RHOG: variants seen among roughly 807,000 people sequenced by gnomAD.
The protein encoded by RHOG is rho-related GTP-binding protein RhoG.
RHOG carries 1 observed loss-of-function variant against 12.3 expected under a neutral mutation model. The ratio of observed to expected loss-of-function variants is 0.08; its 90% CI spans 0.03 to 0.39. RHOG has a LOEUF of 0.39. Ranked by LOEUF, RHOG falls within the 10% of genes least tolerant of loss-of-function variation. The pLI is 0.99. For synonymous variants in RHOG, 129 were observed against 116.0 expected (o/e 1.11, Z -0.72); for missense variants, 114 against 266.2 (o/e 0.43, Z 3.98).
chr11:3,828,678 C>T (rs1013652008), intron 1 of RHOG, among the ~76,000 whole-genome samples: 3 of 141,458 alleles, frequency 2.1e-5, no homozygotes, highest in Non-Finnish European at 4.5e-5. Flanking sequence ...GGCTGGAGTG[C>T]AGTGGCGTCA....
intron 1 of RHOG, among the ~76,000 whole-genome samples, chr11:3,837,495 G>A (rs895770050): frequency 6.6e-6 from 1 of 152,120 alleles, no homozygotes; most frequent in Admixed American, 6.5e-5. Flanking sequence ...CAGAGTGAGG[G>A]GCACTGCTAT....
In RHOG at chr11:3,827,763, G is replaced by T; in HGVS notation, c.376C>A (p.Leu126Ile). 1.2e-6 allele frequency: 2 copies of T among 1,613,916 alleles called. No individual in the cohort carries two copies. Among genetic ancestry groups the T allele is most frequent in the South Asian group, 1.1e-5 (1 of 91,074 alleles). The change falls in exon 2 of 2, where the codon CTA becomes ATA. Residue 126 changes from leucine to isoleucine, a missense_variant. By Grantham distance (5) the Leu-to-Ile change is conservative. Transcript: ENST00000351018. The surrounding 1 kb of genome is among the most constrained non-coding windows in gnomAD (Gnocchi z 7.3). ...TGGCCCTGCTCCTTGAGGCGCCGTA[G>T]GGTGTCAGGCTGGGCTCTCAGGTCC... is the stretch of plus-strand genomic sequence containing the variant. ...KKDLRAQPDT[L>I]RRLKEQGQAP...
rs755710814 is a variant in RHOG at position 3,827,522 on chromosome 11, T to TG, written c.*40dup. 2 of 1,526,588 alleles carry TG rather than the reference T, an allele frequency of 1.3e-6. No homozygotes were observed. The highest frequency in any genetic ancestry group is 1.8e-6 in the Non-Finnish European group (2 of 1,119,312). The allele number at this position is 1,526,588 out of a possible 1,614,324, so 94.6% of individuals were successfully genotyped here. A position where few individuals can be genotyped will look rare whatever the true frequency, so the allele number is the denominator to read the frequency against. On this transcript the variant is annotated 3_prime_UTR_variant, in exon 2 of 2. Transcript: ENST00000351018. This position sits in a 1 kb window ranked among gnomAD's most constrained non-coding sequence, Gnocchi z 7.3. ...GGACAAGGCACCAAGGCACAACTGG[T>TG]GGGGGGAGGGCAGGGGCAGCCTCCA...
intron 1 of RHOG, 126 bp from the exon 2 acceptor site, chr11:3,828,332 T>C: frequency 1.7e-6 from 1 of 592,200 alleles, no homozygotes; most frequent in Non-Finnish European, 3.0e-6. Context: ...CAAAGTCCCA[T>C]CAAGACGGTC....
Position 3,828,622 on chromosome 11 carries a change from A to ATT in RHOG, c.-68-418_-68-417dup, listed in dbSNP as rs755612599. On this transcript the variant is annotated intron_variant, in intron 1 of 1. Coordinates refer to ENST00000351018, the MANE Select transcript of RHOG (RefSeq NM_001665.4). ...AGTGCCTCGTCCACAAGTATTAGCTATTTTTTTTTTTTTTTTTTTGAGACA... is the reference window on the plus strand; with the variant it reads ...AGTGCCTCGTCCACAAGTATTAGCTATTTTTTTTTTTTTTTTTTTTTGAGACA... Among the ~76,000 whole-genome samples the ATT allele has an allele frequency of 3.4e-3, 427 of 125,744 alleles. 18 individuals carry two copies. Among genetic ancestry groups the ATT allele is most frequent in the African/African-American group, 9.6e-3 (306 of 31,802 alleles). The allele number at this position is 125,744 out of a possible 152,430, so 82.5% of individuals were successfully genotyped here.
intron 1 of RHOG, chr11:3,830,542 C>T (rs1276837621): frequency 6.6e-6 from 1 of 151,680 alleles, no homozygotes; most frequent in African/African-American, 2.4e-5. Context: ...GTAGTCCCAG[C>T]TACTCGGGAG....
At chr11:3,829,009 G>T (rs886294513) in intron 1 of RHOG, among the ~76,000 whole-genome samples, 2 of 151,842 alleles carry the variant, frequency 1.3e-5, no homozygotes, top group East Asian at 3.9e-4. Flanking sequence ...ACTAAATATG[G>T]ACCCTTTCCA....
intron 1 of RHOG, among the ~76,000 whole-genome samples, chr11:3,834,592 G>A (rs569370092): frequency 6.6e-6 from 1 of 152,210 alleles, no homozygotes; most frequent in Non-Finnish European, 1.5e-5. Context: ...ACCTGGCTCC[G>A]GCAGGAAGTA....
Position 3,839,451 on chromosome 11 carries a change from G to C in RHOG, c.-69+1443C>G, listed in dbSNP as rs982496782. ...GAGGGCAGTTATTTTGTCTGTAAGAGATAAAGATGTAGTCACACAGACACG... is the reference window on the plus strand; with the variant it reads ...GAGGGCAGTTATTTTGTCTGTAAGACATAAAGATGTAGTCACACAGACACG... On this transcript the variant is annotated intron_variant, in intron 1 of 1. Transcript: ENST00000351018. Among the ~76,000 whole-genome samples the C allele has an allele frequency of 7.9e-5, 12 of 151,414 alleles. No homozygotes were observed. In the Admixed American group the frequency reaches 7.9e-4, roughly 10 times the overall value.
chr11:3,832,437 C>T (rs1285895426), intron 1 of RHOG, among the ~76,000 whole-genome samples: 1 of 152,146 alleles, frequency 6.6e-6, no homozygotes, highest in Non-Finnish European at 1.5e-5. Context: ...AGTTACTGCC[C>T]TTCCTGGAGC....
At chr11:3,828,778 G>A (rs547003544) in intron 1 of RHOG, among the ~76,000 whole-genome samples, 8 of 151,656 alleles carry the variant, frequency 5.3e-5, no homozygotes, top group East Asian at 1.9e-4. Flanking sequence ...CCACCACCAC[G>A]CCCGGCTAAT....
At chr11:3,833,865 C>G (rs1256459830) in intron 1 of RHOG, among the ~76,000 whole-genome samples, 1 of 152,212 alleles carries the variant, frequency 6.6e-6, no homozygotes, top group Non-Finnish European at 1.5e-5. Flanking sequence ...CCTCTCCCTT[C>G]TCTAATCTTC....
intron 1 of RHOG, chr11:3,830,553 G>A (rs1360765411): frequency 6.6e-6 from 1 of 151,466 alleles, no homozygotes; most frequent in Non-Finnish European, 1.5e-5. Flanking sequence ...TACTCGGGAG[G>A]CTGAGGTGGG....
At chr11:3,836,638 T>C (rs1303092357) in intron 1 of RHOG, among the ~76,000 whole-genome samples, 1 of 151,484 alleles carries the variant, frequency 6.6e-6, no homozygotes, top group Non-Finnish European at 1.5e-5. Flanking sequence ...GTGGCTCACA[T>C]CTGTAATCCC....
intron 1 of RHOG, among the ~76,000 whole-genome samples, chr11:3,829,136 T>C (rs1366959323): frequency 1.3e-5 from 2 of 152,070 alleles, no homozygotes; most frequent in African/African-American, 4.8e-5. Flanking sequence ...AAACCTGGTA[T>C]CTTGGCTACT....
chr11:3,828,031 C>T lies in RHOG; in HGVS notation c.108G>A (p.Val36=). The T allele has an allele frequency of 6.2e-7, 1 of 1,614,284 alleles. No homozygotes were observed. Among genetic ancestry groups the T allele is most frequent in the Non-Finnish European group, 8.5e-7 (1 of 1,180,052 alleles). Residue 36 remains valine (V), a synonymous_variant, in exon 2 of 2, where the codon GTG becomes GTA. Coordinates refer to ENST00000351018, the MANE Select transcript of RHOG (RefSeq NM_001665.4). The part of the protein sequence containing the change: ...NAFPKEYIPT[V]FDNYSAQSAV... ...CGCTCTGCGCGCTGTAATTGTCGAA[C>T]ACGGTGGGGATGTACTCTTTGGGGA...
chr11:3,839,581 G>A (rs1478733366), intron 1 of RHOG, among the ~76,000 whole-genome samples: 4 of 126,708 alleles, frequency 3.2e-5, no homozygotes, highest in East Asian at 2.1e-4. Context: ...ACACAGACAC[G>A]CGCGTGCGAA....
At chr11:3,834,866 A>G (rs1364164387) in intron 1 of RHOG, among the ~76,000 whole-genome samples, 1 of 152,160 alleles carries the variant, frequency 6.6e-6, no homozygotes, top group African/African-American at 2.4e-5. Context: ...TGCCTCCCTA[A>G]CATGGGGCTC....
chr11:3,838,843 T>C (rs564311839), intron 1 of RHOG, among the ~76,000 whole-genome samples: 21 of 152,260 alleles, frequency 1.4e-4, no homozygotes, highest in African/African-American at 5.1e-4. Flanking sequence ...AGAGCCTCCA[T>C]AGCCAGGATG....
Sources: gnomAD v4.1 joint callset for allele counts (sites outside exome capture counted in the v4.1 genomes callset) on GRCh38, gnomAD v4.1.1 for gene constraint, Gnocchi (gnomAD v3.1) non-coding constraint, MANE v1.5 for transcripts, NCBI Gene and HGNC (gene_info 2026-07-23, HGNC 2026-07-21) for gene names.